Variants in TTN observed in about 807,000 individuals in gnomAD.
TTN encodes the protein titin.
In TTN, 1,525 loss-of-function variants were observed where a neutral mutation model predicts 3,223.0. The observed-to-expected ratio is 0.47, with a 90% CI of 0.45 to 0.49. The LOEUF (loss-of-function observed/expected upper bound fraction) is 0.49. TTN is among the 20% of genes least tolerant of loss of function. TTN has a pLI of 0.00. For synonymous variants in TTN, 14,094 were observed against 15,161.0 expected (o/e 0.93, Z 5.17); for missense variants, 40,786 against 43,424.0 (o/e 0.94, Z 5.40).
Position 178,527,481 on chromosome 2 carries a change from C to T in TTN, c.107645G>A (p.Ser35882Asn), listed in dbSNP as rs1558958100. 1.9e-6 allele frequency: 3 copies of T among 1,613,812 alleles called. No homozygotes were observed. Among genetic ancestry groups the T allele is most frequent in the South Asian group, 2.2e-5 (2 of 91,082 alleles). Residue 35882 changes from serine to asparagine, a missense_variant, in exon 362 of 363, where the codon AGC (serine) becomes AAC (asparagine). Coordinates refer to ENST00000589042, the MANE Select transcript of TTN (RefSeq NM_001267550.2). ...MGISNMTQLE[S>N]STSKMLKAGI... ...TGCTTTAAGCATTTTACTAGTTGAG[C>T]TTTCCAGTTGTGTCATATTAGATAT...
chr2:178,642,062 T>A (rs186330177), intron 219 of TTN, among the ~76,000 whole-genome samples, 175 bp downstream of exon 219: 240 of 150,542 alleles, frequency 1.6e-3, no homozygotes, highest in Middle Eastern at 6.9e-3. Context: ...CTTTTTTTTT[T>A]AAAAAAAAAG....
intron 308 of TTN, among the ~76,000 whole-genome samples, 199 bp downstream of exon 308, chr2:178,586,306 A>G (rs1195599970): frequency 6.6e-6 from 1 of 152,088 alleles, no homozygotes; most frequent in Non-Finnish European, 1.5e-5. Flanking sequence ...GTTTCAGGAA[A>G]TGTTTTTTAG....
chr2:178,546,428 G>A lies in TTN; in HGVS notation c.94903C>T (p.Leu31635=), dbSNP rs1697164217. Reference sequence around the variant, plus strand: ...GGTTTGCCACCAACTGCAGCATCCAGAACAAGATCAGAACCTGCTCTGATG... The same window carrying A: ...GGTTTGCCACCAACTGCAGCATCCAAAACAAGATCAGAACCTGCTCTGATG... ...VTIRAGSDLV[L]DAAVGGKPEP... The change falls in exon 342 of 363, where the codon CTG becomes TTG. Residue 31635 remains leucine, a synonymous_variant. Transcript: ENST00000589042. The A allele has an allele frequency of 1.2e-6, 2 of 1,613,720 alleles. No individual in the cohort carries two copies. Among genetic ancestry groups the A allele is most frequent in the Non-Finnish European group, 1.7e-6 (2 of 1,179,758 alleles).
At position 178,746,129 on chromosome 2, in the gene TTN, T is replaced by C. The variant is rs1553949117; in HGVS notation, c.11312-4208A>G. ...CTCCTCGCTAATCACGTATTTAATA[T>C]TATCTGGCTCAATACACATATATTC... is the stretch of plus-strand genomic sequence containing the variant. On this transcript the variant is annotated intron_variant, in intron 47 of 362. Coordinates refer to ENST00000589042, the MANE Select transcript of TTN (RefSeq NM_001267550.2). 1 of 1,613,466 alleles carries C rather than the reference T, an allele frequency of 6.2e-7. No homozygotes were observed. The highest frequency in any genetic ancestry group is 8.5e-7 in the Non-Finnish European group (1 of 1,179,580).
In TTN at chr2:178,576,066, C is replaced by T. The variant is rs1207836218; in HGVS notation, c.70066G>A (p.Val23356Ile). 2.5e-6 allele frequency: 4 copies of T among 1,613,556 alleles called. No homozygotes were observed. The highest frequency in any genetic ancestry group is 3.3e-5 in the Admixed American group (2 of 60,002). The change falls in exon 326 of 363, where the codon GTT becomes ATT. Residue 23356 changes from valine (V) to isoleucine (I), a missense_variant. Val to Ile is a conservative substitution (Grantham distance 29). Transcript: ENST00000589042. This position sits in a 1 kb window ranked among gnomAD's most constrained non-coding sequence, Gnocchi z 4.3. Reference protein sequence around the residue: ...LDAELRRTLVVRAGLSIRIFV... With the variant: ...LDAELRRTLVIRAGLSIRIFV... ...ATCCTAATACTGAGTCCTGCTCTAA[C>T]AACAAGTGTTCTTCGAAGCTCGGCA...
At position 178,777,559 on chromosome 2, in the gene TTN, G is replaced by A. The variant is rs185660585; in HGVS notation, c.4506C>T (p.Thr1502=). 1.2e-6 allele frequency: 2 copies of A among 1,613,612 alleles called. No homozygotes were observed. Among genetic ancestry groups the A allele is most frequent in the Middle Eastern group, 1.7e-4 (1 of 6,060 alleles). Residue 1502 remains threonine, a synonymous_variant, in exon 26 of 363, where the codon ACC becomes ACT. Coordinates refer to ENST00000589042, the MANE Select transcript of TTN (RefSeq NM_001267550.2). ...HDGQQIVNDY[T]HKVVIKEDGT... ...CATCTTCTTTAATGACTACTTTATG[G>A]GTATAGTCATTGACAATTTGCTGGC...
rs2053664873 is a variant in TTN at position 178,602,308 on chromosome 2, C to G, written c.55094G>C (p.Gly18365Ala). 6.2e-7 allele frequency: 1 copy of G among 1,612,748 alleles called. No individual in the cohort carries two copies. The highest frequency in any genetic ancestry group is 8.5e-7 in the Non-Finnish European group (1 of 1,179,212). Residue 18365 changes from glycine (G) to alanine (A), a missense_variant, in exon 283 of 363, where the codon GGG becomes GCG. Transcript: ENST00000589042. ...AGESEPSDTT[G>A]EIPATDIQEE... ...TTGAATATCAGTGGCAGGGATCTCCCCAGTTGTATCACTTGGTTCAGATTC... is the reference window on the plus strand; with the variant it reads ...TTGAATATCAGTGGCAGGGATCTCCGCAGTTGTATCACTTGGTTCAGATTC...
At position 178,702,671 on chromosome 2, in the gene TTN, A is replaced by T. The variant is rs72650010; in HGVS notation, c.30224-8T>A. ...TAAACTGAATTGGTTCAGCTGTTTAAGTACAAAGAGGGTTCAAAGTTAGAT... is the reference window on the plus strand; with the variant it reads ...TAAACTGAATTGGTTCAGCTGTTTATGTACAAAGAGGGTTCAAAGTTAGAT... On this transcript the variant is annotated splice_polypyrimidine_tract_variant and splice_region_variant and intron_variant, in intron 106 of 362. Transcript: ENST00000589042. 19 of 1,607,810 alleles carry T rather than the reference A, an allele frequency of 1.2e-5. No individual in the cohort carries two copies. The Middle Eastern group carries it at 5.0e-4, about 42-fold the overall frequency.
At position 178,775,702 on chromosome 2, in the gene TTN, G is replaced by A. The variant is rs143265948; in HGVS notation, c.6162C>T (p.Ala2054=). The change falls in exon 28 of 363, where the codon GCC becomes GCT. Residue 2054 remains alanine (A), a synonymous_variant. Transcript: ENST00000589042. ...TTGGAATCGTGATTTTGCCTTCTTC[G>A]GCAAGAGCTTTCTTTTCCTCTTCAG... The part of the protein sequence containing the change: ...ELTEEEKKAL[A]EEGKITIPTF... The A allele has an allele frequency of 3.6e-5, 58 of 1,613,856 alleles. No homozygotes were observed. The highest frequency in any genetic ancestry group is 5.3e-5 in the African/African-American group (4 of 74,856).
Position 178,539,065 on chromosome 2 carries a change from T to C in TTN, c.98870A>G (p.Tyr32957Cys), listed in dbSNP as rs545990990. ...ATCGGGAACAAGCCCTGTGACAGTG[T>C]ACATTGTGGTGGTGATCTGAGTCTT... ...HNKTQITTTMYTVTGLVPDAE... is the reference protein window; with the variant it reads ...HNKTQITTTMCTVTGLVPDAE... Residue 32957 changes from tyrosine to cysteine, a missense_variant, in exon 353 of 363, where the codon TAC becomes TGC. Coordinates refer to ENST00000589042, the MANE Select transcript of TTN (RefSeq NM_001267550.2). 1 of 1,613,766 alleles carries C rather than the reference T, an allele frequency of 6.2e-7. No homozygotes were observed. The highest frequency in any genetic ancestry group is 2.2e-5 in the East Asian group (1 of 44,866).
At chr2:178,771,942 A>G (rs761559784) in intron 33 of TTN, among the ~76,000 whole-genome samples, 1 of 152,192 alleles carries the variant, frequency 6.6e-6, no homozygotes, top group Non-Finnish European at 1.5e-5. Context: ...CGCCCATTCT[A>G]TGAAGTTTCA....
rs72648206 is a variant in TTN at position 178,566,906 on chromosome 2, C to T, written c.79226G>A (p.Arg26409His). Reference sequence around the variant, plus strand: ...CTCACTTCCACCATCACTATCTGGACGGTTCCAACAGACGGTCATGGAGTC... The same window carrying T: ...CTCACTTCCACCATCACTATCTGGATGGTTCCAACAGACGGTCATGGAGTC... ...AKDSMTVCWN[R>H]PDSDGGSEII... Residue 26409 changes from arginine (R) to histidine (H), a missense_variant, in exon 326 of 363, where the codon CGT becomes CAT. Coordinates refer to ENST00000589042, the MANE Select transcript of TTN (RefSeq NM_001267550.2). The T allele has an allele frequency of 8.6e-4, 1,384 of 1,613,590 alleles. 4 individuals are homozygous for T. The highest frequency in any genetic ancestry group is 1.1e-3 in the Non-Finnish European group (1,289 of 1,179,680).
intron 112 of TTN, 147 bp from the exon 113 acceptor site, chr2:178,697,315 T>A (rs2073916973): frequency 3.1e-6 from 2 of 637,998 alleles, no homozygotes; most frequent in Admixed American, 7.4e-5. Flanking sequence ...ATAATAATGC[T>A]TCTATAATTT....
intron 211 of TTN, 60 bp downstream of exon 211, chr2:178,649,757 T>G: frequency 6.4e-7 from 1 of 1,570,510 alleles, no homozygotes; most frequent in Non-Finnish European, 8.7e-7. Context: ...CAACACACAA[T>G]AAGAAGAGTG....
intron 88 of TTN, among the ~76,000 whole-genome samples, chr2:178,716,262 C>T (rs2154298309): frequency 6.6e-6 from 1 of 152,228 alleles, no homozygotes; most frequent in South Asian, 2.1e-4. Flanking sequence ...CCATTTTCCT[C>T]TTTTAGGTGT....
Position 178,624,545 on chromosome 2 carries a change from T to G in TTN, c.44735A>C (p.His14912Pro), listed in dbSNP as rs2058749191. The G allele has an allele frequency of 1.2e-6, 2 of 1,612,738 alleles. No homozygotes were observed. The highest frequency in any genetic ancestry group is 2.7e-5 in the African/African-American group (2 of 74,856). The stretch of plus-strand genomic sequence containing the variant: ...TTTAATATCCTCTGGGGTACAGTCA[T>G]GTATAACAAGTTTTCTGACCCTGCC... The part of the protein sequence containing the change: ...ADGRVRKLVI[H>P]DCTPEDIKTY... The change falls in exon 242 of 363, where the codon CAT becomes CCT. Residue 14912 changes from histidine to proline, a missense_variant. By Grantham distance (77) the His-to-Pro change is moderately conservative. Transcript: ENST00000589042.
At chr2:178,618,157 A>G (rs888441131) in intron 252 of TTN, 32 bp downstream of exon 252, 1 of 1,609,850 alleles carries the variant, frequency 6.2e-7, no homozygotes, top group African/African-American at 1.3e-5. Flanking sequence ...ATTTACTTAA[A>G]AGCTAACTTG....
rs1445714877 is a variant in TTN at position 178,714,377 on chromosome 2, C to T, written c.26397G>A (p.Val8799=). Residue 8799 remains valine (V), a synonymous_variant, in exon 91 of 363, where the codon GTG becomes GTA. Transcript: ENST00000589042. ...TGTATTTTCCAGCATTGGCTGGTTC[C>T]ACTCTTGAAAACTGTAAGGTTGCAA... ...ENIATLQFSR[V]EPANAGKYTC... is the part of the protein sequence containing the mutation. 6.2e-6 allele frequency: 10 copies of T among 1,613,624 alleles called. No individual in the cohort carries two copies. Among genetic ancestry groups the T allele is most frequent in the Non-Finnish European group, 5.9e-6 (7 of 1,179,754 alleles).
Position 178,587,968 on chromosome 2 carries a change from C to A in TTN, c.63439G>T (p.Ala21147Ser). ...ENQEYEFRVCAQNQVGIGRPA... is the reference protein window; with the variant it reads ...ENQEYEFRVCSQNQVGIGRPA... The stretch of plus-strand genomic sequence containing the variant: ...CGCCCAATACCAACTTGGTTTTGGG[C>A]ACACACCCTGAACTCATATTCCTGG... The change falls in exon 305 of 363, where the codon GCC (alanine) becomes TCC (serine). Residue 21147 changes from alanine (A) to serine (S), a missense_variant. Coordinates refer to ENST00000589042, the MANE Select transcript of TTN (RefSeq NM_001267550.2). The A allele has an allele frequency of 1.2e-6, 2 of 1,611,354 alleles. No individual in the cohort carries two copies. Among genetic ancestry groups the A allele is most frequent in the Non-Finnish European group, 1.7e-6 (2 of 1,178,708 alleles).
Sources: allele counts gnomAD v4.1 joint callset (sites outside exome capture counted in the v4.1 genomes callset), GRCh38; gene constraint gnomAD v4.1.1; non-coding constraint Gnocchi (gnomAD v3.1); transcripts MANE v1.5; gene names NCBI Gene and HGNC (gene_info 2026-07-23, HGNC 2026-07-21).